Variants in GSE1 observed in about 807,000 individuals in gnomAD.
GSE1 encodes the protein genetic suppressor element 1.
In GSE1, 32 loss-of-function variants were observed where a neutral mutation model predicts 112.6. The observed-to-expected ratio is 0.28, with a 90% CI of 0.21 to 0.38. The LOEUF (loss-of-function observed/expected upper bound fraction) is 0.38. Ranked by LOEUF, GSE1 falls within the 10% of genes least tolerant of loss-of-function variation. GSE1 has a pLI of 1.00. For missense variants in GSE1, 2,348 were observed against 1,699.2 expected (o/e 1.38, Z -6.71); for synonymous variants, 1,115 against 735.6 (o/e 1.52, Z -8.35).
intron 2 of GSE1, among the ~76,000 whole-genome samples, chr16:85,518,307 G>A (rs1216037216): frequency 2.0e-5 from 3 of 152,196 alleles, no homozygotes; most frequent in Non-Finnish European, 4.4e-5. Flanking sequence ...GCCCACCATG[G>A]ATGGGGCAGA....
At chr16:85,231,127 T>A (rs12598694) in intron 1 of GSE1, among the ~76,000 whole-genome samples, 23,696 of 108,336 alleles carry the variant, frequency 0.22, 3,552 homozygotes, top group South Asian at 0.35. Context: ...AAAGGATGGA[T>A]GGAAGGATGG....
intron 1 of GSE1, among the ~76,000 whole-genome samples, chr16:85,274,366 C>T (rs1248109691): frequency 2.6e-5 from 4 of 151,862 alleles, no homozygotes; most frequent in African/African-American, 4.8e-5. Flanking sequence ...GCCTGGGTGA[C>T]GAGAAACTCC....
At position 85,279,497 on chromosome 16, in the gene GSE1, C is replaced by T. The variant is rs534060013; in HGVS notation, c.2284-77966C>T. Among the ~76,000 whole-genome samples the T allele has an allele frequency of 2.5e-5, 3 of 119,306 alleles. No homozygotes were observed. The South Asian group carries it at 9.0e-4, about 36-fold the overall frequency. The allele number at this position is 119,306 out of a possible 152,430, so 78.3% of individuals were successfully genotyped here. A position where few individuals can be genotyped will look rare whatever the true frequency, so the allele number is the denominator to read the frequency against. ...TGATGTGTGCCTGTGTTCCCAGCCA[C>T]TCAAGGGGGGATCACTTGAGCCCAG... is the stretch of plus-strand genomic sequence containing the variant. On this transcript the variant is annotated intron_variant, in intron 1 of 2. Transcript: ENST00000637419.
chr16:85,627,761 G>A (rs754094589), intron 1 of GSE1, among the ~76,000 whole-genome samples: 2 of 152,100 alleles, frequency 1.3e-5, no homozygotes, highest in Non-Finnish European at 2.9e-5. Flanking sequence ...TACATGAGCT[G>A]ATAATGTAGA....
rs2053047786 is a variant in GSE1 at position 85,668,299 on chromosome 16, T to C, written c.3290T>C (p.Leu1097Ser). ...AGGAAGGGCCCCCCAACCCAGGAGT[T>C]GGACCGGGACTCGGAGGAGGAGGAA... ...TARKGPPTQE[L>S]DRDSEEEEEE... Residue 1097 changes from leucine (L) to serine (S), a missense_variant, in exon 14 of 16, where the codon TTG becomes TCG. Transcript: ENST00000253458. The C allele has an allele frequency of 6.2e-7, 1 of 1,613,006 alleles. No individual in the cohort carries two copies. The highest frequency in any genetic ancestry group is 8.5e-7 in the Non-Finnish European group (1 of 1,179,254).
intron 2 of GSE1, among the ~76,000 whole-genome samples, chr16:85,442,877 G>C (rs941398204): frequency 6.6e-6 from 1 of 152,226 alleles, no homozygotes; most frequent in Non-Finnish European, 1.5e-5. Context: ...TTCTCCTGGA[G>C]GTCCCCGGAG....
Position 85,467,218 on chromosome 16 carries a change from G to T in GSE1, c.2464+109575G>T, listed in dbSNP as rs529901471. Among the ~76,000 whole-genome samples the T allele has an allele frequency of 2.3e-4, 35 of 152,250 alleles. No individual in the cohort carries two copies. The Middle Eastern group carries it at 0.01, about 44-fold the overall frequency. On this transcript the variant is annotated intron_variant, in intron 2 of 2. Coordinates refer to the GSE1 transcript ENST00000637419. ...CTGAACCATAAGGAGCGAGGGGCCG[G>T]AGCGAGCCAGCCTGGGTTCGCATCC...
At chr16:85,535,129 G>C (rs1167804682) in intron 2 of GSE1, among the ~76,000 whole-genome samples, 1 of 152,192 alleles carries the variant, frequency 6.6e-6, no homozygotes. Flanking sequence ...CGGCCCCAAA[G>C]GGCTCCAGGC....
intron 1 of GSE1, among the ~76,000 whole-genome samples, chr16:85,202,787 G>A (rs1015411186): frequency 1.3e-5 from 2 of 152,254 alleles, no homozygotes; most frequent in African/African-American, 2.4e-5. Context: ...TCCAGATGCT[G>A]TGCTTCCAGG....
At chr16:85,648,850 T>G in intron 3 of GSE1, 99 bp downstream of exon 3, 1 of 641,676 alleles carries the variant, frequency 1.6e-6, no homozygotes, top group Non-Finnish European at 2.5e-6. Flanking sequence ...TGAGTTTACA[T>G]TCCAGACACC....
At chr16:85,564,183 G>A (rs2045641212) in intron 1 of GSE1, among the ~76,000 whole-genome samples, 1 of 152,242 alleles carries the variant, frequency 6.6e-6, no homozygotes, top group African/African-American at 2.4e-5. Flanking sequence ...AATCCAGGAA[G>A]GCTTCCTGGA....
intron 2 of GSE1, among the ~76,000 whole-genome samples, chr16:85,635,247 G>T (rs574835783): frequency 3.4e-4 from 51 of 152,224 alleles, no homozygotes; most frequent in African/African-American, 1.2e-3. Context: ...ATGGATGGGG[G>T]GTATTGGCCC....
chr16:85,625,517 C>T (rs1046790954), intron 1 of GSE1, among the ~76,000 whole-genome samples: 2 of 152,218 alleles, frequency 1.3e-5, no homozygotes, highest in African/African-American at 4.8e-5. Context: ...CCAGGTGACA[C>T]CCCTGGGATT....
At chr16:85,392,675 G>A (rs1483756079) in intron 2 of GSE1, among the ~76,000 whole-genome samples, 1 of 152,220 alleles carries the variant, frequency 6.6e-6, no homozygotes, top group Non-Finnish European at 1.5e-5. Flanking sequence ...CCTATTTGGG[G>A]GTAGGTTCTC....
intron 1 of GSE1, among the ~76,000 whole-genome samples, chr16:85,578,660 C>G (rs925753734): frequency 6.6e-6 from 1 of 152,162 alleles, no homozygotes; most frequent in East Asian, 1.9e-4. Flanking sequence ...AAGTGTCCCC[C>G]GAATCAGGCA....
At chr16:85,493,284 T>G (rs1206553792) in intron 2 of GSE1, among the ~76,000 whole-genome samples, 1 of 152,030 alleles carries the variant, frequency 6.6e-6, no homozygotes. Context: ...ACCCCATTTC[T>G]ATAACAAAAT....
rs758871886 is a variant in GSE1, at chr16:85,661,497, C to G, written c.1992C>G (p.His664Gln). 5 of 1,611,888 alleles carry G rather than the reference C, an allele frequency of 3.1e-6. No individual in the cohort carries two copies. In the African/African-American group the frequency reaches 4.0e-5, roughly 13 times the overall value. The change falls in exon 9 of 16, where the codon CAC (histidine) becomes CAG (glutamine). Residue 664 changes from histidine to glutamine, a missense_variant. Transcript: ENST00000253458. ...CACGAGAGGGAGGGAGCCTGGAGCA[C>G]CAGCCCTTCCTGCCCGGGCCCGGGC... is the stretch of plus-strand genomic sequence containing the variant. The part of the protein sequence containing the change: ...PPPREGGSLE[H>Q]QPFLPGPGPF...
chr16:85,425,628 C>T (rs146916469), intron 2 of GSE1, among the ~76,000 whole-genome samples: 1 of 152,230 alleles, frequency 6.6e-6, no homozygotes, highest in East Asian at 1.9e-4. Context: ...AACATGGCCA[C>T]CCCACCCACC....
intron 2 of GSE1, among the ~76,000 whole-genome samples, chr16:85,453,713 G>A (rs2049747068): frequency 1.3e-5 from 2 of 152,120 alleles, no homozygotes; most frequent in South Asian, 4.1e-4. Context: ...TCCTGTGGGG[G>A]GATCCTACTT....
Sources: allele counts gnomAD v4.1 joint callset (sites outside exome capture counted in the v4.1 genomes callset), GRCh38; gene constraint gnomAD v4.1.1; transcripts MANE v1.5; gene names NCBI Gene and HGNC (gene_info 2026-07-23, HGNC 2026-07-21).